CDH6: variants seen among roughly 807,000 people sequenced by gnomAD.
The protein encoded by CDH6 is cadherin-6.
In CDH6, 31 loss-of-function variants were observed where a neutral mutation model predicts 78.0. The ratio of observed to expected loss-of-function variants is 0.40; its 90% CI spans 0.30 to 0.54. The LOEUF (loss-of-function observed/expected upper bound fraction) is 0.54, where lower values mean the gene tolerates loss of function less well. Among genes scored for constraint, CDH6 ranks in the 20% least tolerant of loss-of-function variants. CDH6 has a pLI of 0.56. For missense variants in CDH6, 724 were observed against 975.9 expected (o/e 0.74, Z 3.44); for synonymous variants, 376 against 368.8 (o/e 1.02, Z -0.23).
chr5:31,226,763 G>A (rs1397763015), intron 1 of CDH6, among the ~76,000 whole-genome samples: 10 of 152,092 alleles, frequency 6.6e-5, no homozygotes, highest in Non-Finnish European at 1.0e-4. Flanking sequence ...CAAATTCGTC[G>A]TTTTTGCTAT....
At chr5:31,241,962 C>G (rs939920226) in intron 1 of CDH6, among the ~76,000 whole-genome samples, 6 of 152,286 alleles carry the variant, frequency 3.9e-5, no homozygotes, top group Middle Eastern at 6.8e-3. Context: ...CAACAGCATC[C>G]CTGAGCTACT....
chr5:31,321,988 A>G (rs1400152343), intron 11 of CDH6, among the ~76,000 whole-genome samples: 1 of 152,240 alleles, frequency 6.6e-6, no homozygotes, highest in Non-Finnish European at 1.5e-5. Context: ...ATCAGGAGCT[A>G]TTTAAACGCA....
At chr5:31,266,754 C>G (rs1742369978) in intron 1 of CDH6, among the ~76,000 whole-genome samples, 2 of 152,110 alleles carry the variant, frequency 1.3e-5, no homozygotes, top group South Asian at 4.1e-4. Flanking sequence ...CTTTGATATG[C>G]TAATCTGCAC....
At position 31,299,421 on chromosome 5, in the gene CDH6, T is replaced by C. The variant is rs750505137; in HGVS notation, c.644-43T>C. 5.3e-6 allele frequency: 8 copies of C among 1,496,866 alleles called. No individual in the cohort carries two copies. The South Asian group carries it at 9.2e-5, about 17-fold the overall frequency. The allele number at this position is 1,496,866 out of a possible 1,614,324, so 92.7% of individuals were successfully genotyped here. A position where few individuals can be genotyped will look rare whatever the true frequency, so the allele number is the denominator to read the frequency against. On this transcript the variant is annotated intron_variant, in intron 4 of 11. Coordinates refer to ENST00000265071, the MANE Select transcript of CDH6 (RefSeq NM_004932.4). ...CATAAATCAATGATTCCATAAAGTA[T>C]TCTTAATGCATCCCTTTGCACTCTT...
chr5:31,236,855 A>G (rs1290257116), intron 1 of CDH6, among the ~76,000 whole-genome samples: 1 of 152,074 alleles, frequency 6.6e-6, no homozygotes, highest in Admixed American at 6.5e-5. Context: ...TCTCTCCTCT[A>G]ACTGTCTTTC....
chr5:31,274,582 G>T (rs1209524804), intron 2 of CDH6, among the ~76,000 whole-genome samples: 1 of 152,218 alleles, frequency 6.6e-6, no homozygotes, highest in Non-Finnish European at 1.5e-5. Context: ...CACTTTGGGA[G>T]GCCGAGGCAG....
chr5:31,230,225 T>C (rs371099598), intron 1 of CDH6, among the ~76,000 whole-genome samples: 2 of 152,326 alleles, frequency 1.3e-5, no homozygotes, highest in African/African-American at 2.4e-5. Flanking sequence ...GGGTCTACCA[T>C]TGCAAATTAA....
chr5:31,289,634 A>G (rs1263044902), intron 2 of CDH6, among the ~76,000 whole-genome samples: 3 of 152,198 alleles, frequency 2.0e-5, no homozygotes, highest in African/African-American at 4.8e-5. Flanking sequence ...CCTCACCAAC[A>G]TTGTTTGGAC....
At chr5:31,301,489 C>T (rs1275399481) in intron 5 of CDH6, among the ~76,000 whole-genome samples, 6 of 151,848 alleles carry the variant, frequency 4.0e-5, no homozygotes, top group African/African-American at 1.5e-4. Context: ...ATTAGAATTA[C>T]AAATATAAGT....
At chr5:31,279,235 C>A (rs1194411619) in intron 2 of CDH6, among the ~76,000 whole-genome samples, 1 of 152,064 alleles carries the variant, frequency 6.6e-6, no homozygotes, top group Non-Finnish European at 1.5e-5. Context: ...TTTTTATATA[C>A]TGTACTCTTA....
At chr5:31,248,228 CA>C (rs1446329721) in intron 1 of CDH6, among the ~76,000 whole-genome samples, 1 of 152,144 alleles carries the variant, frequency 6.6e-6, no homozygotes, top group Non-Finnish European at 1.5e-5. Flanking sequence ...AAGCAGACCT[CA>C]AAGCAATCTT....
intron 1 of CDH6, among the ~76,000 whole-genome samples, chr5:31,260,986 A>G (rs774132819): frequency 6.6e-6 from 1 of 152,220 alleles, no homozygotes; most frequent in Non-Finnish European, 1.5e-5. Context: ...TATTCACAGC[A>G]GGTGGCCACC....
chr5:31,233,558 T>C (rs540982580), intron 1 of CDH6, among the ~76,000 whole-genome samples: 3 of 152,100 alleles, frequency 2.0e-5, no homozygotes, highest in African/African-American at 7.2e-5. Context: ...CATATTTCCT[T>C]GTTATTGCTT....
At chr5:31,289,598 G>T (rs1743101406) in intron 2 of CDH6, among the ~76,000 whole-genome samples, 1 of 152,192 alleles carries the variant, frequency 6.6e-6, no homozygotes, top group African/African-American at 2.4e-5. Flanking sequence ...CACCAACAGT[G>T]TATGAGAGTT....
intron 4 of CDH6, 84 bp from the exon 5 acceptor site, chr5:31,299,380 C>CA (rs1737695989): frequency 9.4e-7 from 1 of 1,069,194 alleles, no homozygotes; most frequent in African/African-American, 1.6e-5. Context: ...TTGTGGGTGA[C>CA]AGTTTATGTT....
intron 1 of CDH6, among the ~76,000 whole-genome samples, chr5:31,215,916 C>A (rs1740848340): frequency 6.6e-6 from 1 of 152,112 alleles, no homozygotes; most frequent in Non-Finnish European, 1.5e-5. Context: ...GACAGATGAC[C>A]TAAAACCTGT....
chr5:31,284,705 T>C (rs1284469336), intron 2 of CDH6, among the ~76,000 whole-genome samples: 3 of 152,206 alleles, frequency 2.0e-5, no homozygotes, highest in Non-Finnish European at 4.4e-5. Flanking sequence ...ATGTAGCTAT[T>C]CACCTTGATC....
rs887683683 is a variant in CDH6, at chr5:31,324,796, A to G, written c.*1488A>G. On this transcript the variant is annotated 3_prime_UTR_variant, in exon 12 of 12. Transcript: ENST00000265071. ...TGAACTAATCCTTCTGGCAGATTCA[A>G]ATCGTTTATTTCACACGCTGTTCTA... 5 of 206,264 alleles carry G rather than the reference A, an allele frequency of 2.4e-5. No individual in the cohort carries two copies. Among genetic ancestry groups the G allele is most frequent in the African/African-American group, 9.1e-5 (4 of 43,910 alleles). The allele number at this position is 206,264 out of a possible 1,614,324, so 12.8% of individuals were successfully genotyped here.
chr5:31,255,814 T>A (rs1172500478), intron 1 of CDH6, among the ~76,000 whole-genome samples: 1 of 152,252 alleles, frequency 6.6e-6, no homozygotes, highest in African/African-American at 2.4e-5. Flanking sequence ...AGCATCTGAT[T>A]TGCATTATGA....
Sources: gnomAD v4.1 joint callset for allele counts (sites outside exome capture counted in the v4.1 genomes callset) on GRCh38, gnomAD v4.1.1 for gene constraint, MANE v1.5 for transcripts, NCBI Gene and HGNC (gene_info 2026-07-23, HGNC 2026-07-21) for gene names.